Variants in SLC4A4 observed in about 807,000 individuals in gnomAD.
The protein encoded by SLC4A4 is electrogenic sodium bicarbonate cotransporter 1.
SLC4A4 carries 27 observed loss-of-function variants against 111.5 expected under a neutral mutation model. The ratio of observed to expected loss-of-function variants is 0.24; its 90% CI spans 0.18 to 0.33. SLC4A4 has a LOEUF of 0.33. Ranked by LOEUF, SLC4A4 falls within the 10% of genes least tolerant of loss-of-function variation. The probability of loss-of-function intolerance (pLI) is 1.00; values close to 1 mark genes in which losing one functional copy is unlikely to be tolerated. For synonymous variants in SLC4A4, 443 were observed against 463.4 expected (o/e 0.96, Z 0.57); for missense variants, 909 against 1,315.5 (o/e 0.69, Z 4.78).
At chr4:71,476,776 T>G (rs186807782) in intron 14 of SLC4A4, among the ~76,000 whole-genome samples, 1 of 151,856 alleles carries the variant, frequency 6.6e-6, no homozygotes, top group East Asian at 2.0e-4. Flanking sequence ...ACTGAGCAAC[T>G]AAGGAAGCTT....
intron 9 of SLC4A4, among the ~76,000 whole-genome samples, chr4:71,448,693 T>A (rs1725483923): frequency 6.6e-6 from 1 of 152,188 alleles, no homozygotes; most frequent in African/African-American, 2.4e-5. Context: ...AGAAATACTG[T>A]TAGAATACAG....
chr4:71,330,452 T>C (rs1727881720), intron 3 of SLC4A4, among the ~76,000 whole-genome samples: 1 of 152,174 alleles, frequency 6.6e-6, no homozygotes, highest in Non-Finnish European at 1.5e-5. Flanking sequence ...TATCTGATCT[T>C]TGATAAACCT....
chr4:71,305,813 C>G (rs1279343700), intron 3 of SLC4A4, among the ~76,000 whole-genome samples: 1 of 152,090 alleles, frequency 6.6e-6, no homozygotes, highest in Non-Finnish European at 1.5e-5. Context: ...GAACTTATAG[C>G]CTAATGGGAG....
intron 1 of SLC4A4, among the ~76,000 whole-genome samples, chr4:71,208,813 A>G (rs1311808148): frequency 1.3e-5 from 2 of 152,194 alleles, no homozygotes; most frequent in African/African-American, 2.4e-5. Flanking sequence ...CACACCATTT[A>G]TACCATCTCT....
rs1356497164 is a variant in SLC4A4, at chr4:71,235,003, A to G, written c.-1-1573A>G. ...GGAAGGAAATTTACAGTAATTAAAC[A>G]TGTAGTATGTGCTGAGTCCTGCACT... is the stretch of plus-strand genomic sequence containing the variant. On this transcript the variant is annotated intron_variant, in intron 1 of 25. Transcript: ENST00000264485. 2.0e-5 allele frequency among the ~76,000 whole-genome samples: 3 copies of G among 152,348 alleles called. No homozygotes were observed. The East Asian group carries it at 5.8e-4, about 29-fold the overall frequency.
chr4:71,138,990 CGT>C (rs1743921711), intron 2 of SLC4A4, among the ~76,000 whole-genome samples: 2 of 135,316 alleles, frequency 1.5e-5, no homozygotes, highest in African/African-American at 5.7e-5. Context: ...GAGCAGAGAT[CGT>C]GCCACTGCAC....
chr4:71,555,314 G>A (rs750060032), intron 21 of SLC4A4, 106 bp downstream of exon 21: 12 of 812,052 alleles, frequency 1.5e-5, no homozygotes, highest in Non-Finnish European at 2.0e-5. Flanking sequence ...TAACTGCTGA[G>A]TTTTTAAAAT....
intron 16 of SLC4A4, among the ~76,000 whole-genome samples, chr4:71,521,523 C>A (rs1197955956): frequency 2.6e-5 from 4 of 152,074 alleles, no homozygotes; most frequent in African/African-American, 9.7e-5. Context: ...TCTTAGCCAC[C>A]ACACATGGTC....
intron 2 of SLC4A4, among the ~76,000 whole-genome samples, chr4:71,243,395 C>G (rs961649491): frequency 6.6e-6 from 1 of 152,040 alleles, no homozygotes; most frequent in Non-Finnish European, 1.5e-5. Flanking sequence ...TTTTTTATCA[C>G]CATGAGATTA....
intron 1 of SLC4A4, among the ~76,000 whole-genome samples, chr4:71,212,562 C>T (rs1435359583): frequency 6.6e-6 from 1 of 152,122 alleles, no homozygotes; most frequent in East Asian, 1.9e-4. Flanking sequence ...GACAGAGGCA[C>T]AATGGGGTTG....
chr4:71,161,949 C>A (rs568794067), intron 2 of SLC4A4, among the ~76,000 whole-genome samples: 1 of 152,252 alleles, frequency 6.6e-6, no homozygotes, highest in South Asian at 2.1e-4. Flanking sequence ...ACTCCTATCC[C>A]AATCTACTAA....
intron 3 of SLC4A4, among the ~76,000 whole-genome samples, chr4:71,294,443 G>T (rs1724616969): frequency 2.0e-5 from 3 of 152,210 alleles, no homozygotes; most frequent in South Asian, 2.1e-4. Context: ...CCTGGCTAGG[G>T]GAAGAACGTA....
chr4:71,522,531 A>G (rs1273069837), intron 16 of SLC4A4, among the ~76,000 whole-genome samples: 1 of 152,244 alleles, frequency 6.6e-6, no homozygotes, highest in Non-Finnish European at 1.5e-5. Flanking sequence ...TATTGGGACT[A>G]GTAGAAATCA....
chr4:71,381,435 G>T (rs141745671), intron 6 of SLC4A4, among the ~76,000 whole-genome samples: 1 of 152,052 alleles, frequency 6.6e-6, no homozygotes, highest in Non-Finnish European at 1.5e-5. Context: ...GGTTATATTT[G>T]TTATTATTAT....
intron 2 of SLC4A4, among the ~76,000 whole-genome samples, chr4:71,173,742 C>G (rs548139801): frequency 6.6e-6 from 1 of 152,282 alleles, no homozygotes; most frequent in East Asian, 1.9e-4. Context: ...CAATCCAACT[C>G]AACTCCAAAC....
chr4:71,409,341 A>T (rs1490315470), intron 7 of SLC4A4, among the ~76,000 whole-genome samples: 1 of 152,234 alleles, frequency 6.6e-6, no homozygotes, highest in Non-Finnish European at 1.5e-5. Flanking sequence ...ATTGACAAAA[A>T]TGCTGATACT....
intron 2 of SLC4A4, among the ~76,000 whole-genome samples, chr4:71,130,425 AG>A (rs1380634462): frequency 6.6e-6 from 1 of 152,076 alleles, no homozygotes; most frequent in South Asian, 2.1e-4. Context: ...TTTGTAGAGA[AG>A]GGGGTCTCAC....
At chr4:71,292,617 T>G (rs1387485160) in intron 3 of SLC4A4, among the ~76,000 whole-genome samples, 1 of 152,168 alleles carries the variant, frequency 6.6e-6, no homozygotes, top group African/African-American at 2.4e-5. Flanking sequence ...GAAATTTTTC[T>G]GGTTATTTGT....
chr4:71,361,374 A>G (rs1730771328), intron 6 of SLC4A4, among the ~76,000 whole-genome samples: 1 of 152,196 alleles, frequency 6.6e-6, no homozygotes, highest in Non-Finnish European at 1.5e-5. Flanking sequence ...AAAAGGAGCA[A>G]AAAACATTTT....
Sources: gnomAD v4.1 joint callset for allele counts (sites outside exome capture counted in the v4.1 genomes callset) on GRCh38, gnomAD v4.1.1 for gene constraint, MANE v1.5 for transcripts, NCBI Gene and HGNC (gene_info 2026-07-23, HGNC 2026-07-21) for gene names.